CHODL: variants seen among roughly 807,000 people sequenced by gnomAD.
The protein encoded by CHODL is transmembrane protein MT75.
A neutral mutation model predicts 34.5 loss-of-function variants in CHODL; 29 were observed. The observed-to-expected ratio is 0.84, with a 90% CI of 0.63 to 1.15. The LOEUF is 1.15. Among genes scored for constraint, CHODL ranks in the 50% most tolerant of loss-of-function variants. CHODL has a pLI of 0.00. For synonymous variants in CHODL, 125 were observed against 116.1 expected, an observed-to-expected ratio of 1.08 and a Z score of -0.49; for missense variants, 332 against 332.5, an observed-to-expected ratio of 1.00 and a Z score of 0.01.
At chr21:18,196,908 T>G (rs892955320) in intron 2 of CHODL, among the ~76,000 whole-genome samples, 13 of 152,128 alleles carry the variant, frequency 8.5e-5, no homozygotes, top group African/African-American at 3.1e-4. Flanking sequence ...TACAGCATAG[T>G]GATTGCAGTT....
chr21:18,107,689 C>G (rs987594407), intron 2 of CHODL, among the ~76,000 whole-genome samples: 3 of 152,142 alleles, frequency 2.0e-5, no homozygotes, highest in Non-Finnish European at 4.4e-5. Context: ...TGGGTAGAAC[C>G]TTGAGCATGA....
At chr21:18,110,692 G>T (rs2065337562) in intron 2 of CHODL, among the ~76,000 whole-genome samples, 1 of 152,114 alleles carries the variant, frequency 6.6e-6, no homozygotes, top group Admixed American at 6.6e-5. Context: ...GAAAAGCACT[G>T]CATTTGCTCA....
At chr21:18,181,455 T>C (rs1196924207) in intron 2 of CHODL, among the ~76,000 whole-genome samples, 6 of 152,238 alleles carry the variant, frequency 3.9e-5, no homozygotes, top group Admixed American at 3.9e-4. Context: ...TAGGCTGGAG[T>C]GCACTGGCGG....
At chr21:18,097,015 C>T (rs750048562) in intron 2 of CHODL, among the ~76,000 whole-genome samples, 2 of 152,054 alleles carry the variant, frequency 1.3e-5, no homozygotes, top group Non-Finnish European at 2.9e-5. Flanking sequence ...ATATTGGGGG[C>T]TGGTTCCCCT....
At chr21:18,145,541 G>T (rs1330908269) in intron 2 of CHODL, among the ~76,000 whole-genome samples, 1 of 150,894 alleles carries the variant, frequency 6.6e-6, no homozygotes, top group Middle Eastern at 3.2e-3. Context: ...TGTTTTTTCT[G>T]AATGCTTGCT....
At chr21:18,171,254 C>T (rs1420027355) in intron 2 of CHODL, among the ~76,000 whole-genome samples, 2 of 113,666 alleles carry the variant, frequency 1.8e-5, no homozygotes, top group Admixed American at 1.2e-4. Flanking sequence ...GGCCAGACTG[C>T]GGACTGCAGC....
intron 5 of CHODL, among the ~76,000 whole-genome samples, chr21:18,263,419 C>A (rs2146828615): frequency 6.6e-6 from 1 of 152,136 alleles, no homozygotes; most frequent in South Asian, 2.1e-4. Flanking sequence ...TCAAACAGGC[C>A]ACTTTTTGGC....
intron 1 of CHODL, among the ~76,000 whole-genome samples, chr21:17,924,045 G>A (rs1488601386): frequency 6.6e-6 from 1 of 152,200 alleles, no homozygotes; most frequent in African/African-American, 2.4e-5. Flanking sequence ...TGGAGTTTGA[G>A]GGATAGAGTG....
At chr21:18,004,988 G>A (rs184828729) in intron 1 of CHODL, among the ~76,000 whole-genome samples, 18 of 152,312 alleles carry the variant, frequency 1.2e-4, no homozygotes, top group Non-Finnish European at 8.8e-5. Flanking sequence ...ATACTATGCT[G>A]AATGTAGCTT....
At position 17,948,959 on chromosome 21, in the gene CHODL, A is replaced by T. The variant is rs1292103671; in HGVS notation, c.-145+31559A>T. 5.9e-5 allele frequency among the ~76,000 whole-genome samples: 9 copies of T among 152,174 alleles called. No homozygotes were observed. The East Asian group carries it at 1.7e-3, about 29-fold the overall frequency. On this transcript the variant is annotated intron_variant, in intron 1 of 6. Transcript: ENST00000400127. ...CCAGACAAGGATGCAACAAAAATCA[A>T]AATCAGGGCAGTCATGGGATACATG...
chr21:18,057,330 T>C (rs2064595210), intron 2 of CHODL, among the ~76,000 whole-genome samples: 1 of 152,080 alleles, frequency 6.6e-6, no homozygotes, highest in African/African-American at 2.4e-5. Context: ...GTTTTCATCT[T>C]TTTTTCTATA....
intron 2 of CHODL, among the ~76,000 whole-genome samples, chr21:18,226,590 C>T (rs1028765417): frequency 5.3e-5 from 8 of 152,094 alleles, no homozygotes; most frequent in South Asian, 2.1e-4. Flanking sequence ...TGAGCCACCA[C>T]GTTTGGCCAT....
At chr21:18,168,083 A>C (rs2146654216) in intron 2 of CHODL, among the ~76,000 whole-genome samples, 1 of 152,252 alleles carries the variant, frequency 6.6e-6, no homozygotes, top group South Asian at 2.1e-4. Flanking sequence ...AAGTTCTTCA[A>C]CTTTTGGACT....
intron 1 of CHODL, among the ~76,000 whole-genome samples, chr21:17,996,301 C>T (rs2824594): frequency 0.13 from 19,316 of 152,106 alleles, 1,449 homozygotes; most frequent in South Asian, 0.3. Flanking sequence ...GGTACTCAAC[C>T]AAGAGAGGAA....
intron 1 of CHODL, among the ~76,000 whole-genome samples, chr21:18,027,003 G>A (rs780055194): frequency 5.3e-5 from 8 of 152,158 alleles, no homozygotes; most frequent in South Asian, 2.1e-4. Flanking sequence ...CAGGCTGGGC[G>A]CAGTGGCTCA....
At chr21:18,241,659 C>T (rs561810025), upstream of CHODL, among the ~76,000 whole-genome samples, 62 of 152,114 alleles carry the variant, frequency 4.1e-4, no homozygotes, top group African/African-American at 1.3e-3. Context: ...TATTGATGGG[C>T]GCATGAAGCA....
At position 18,245,122 on chromosome 21, in the gene CHODL, C is replaced by G; in HGVS notation, c.-102C>G. The G allele has an allele frequency of 1.9e-6, 2 of 1,065,508 alleles. No homozygotes were observed. Among genetic ancestry groups the G allele is most frequent in the South Asian group, 1.8e-5 (1 of 56,588 alleles). The allele number at this position is 1,065,508 out of a possible 1,614,324, so 66.0% of individuals were successfully genotyped here. ...GGGCTCGGGCGGCGGGAGTAGGGCC[C>G]GGCAGGGAGGCAGGGAGGCTGCAGA... On this transcript the variant is annotated 5_prime_UTR_variant, in exon 1 of 6. Coordinates refer to ENST00000299295, the MANE Select transcript of CHODL (RefSeq NM_024944.3).
intron 2 of CHODL, among the ~76,000 whole-genome samples, chr21:18,072,950 C>T (rs2064823068): frequency 6.6e-6 from 1 of 152,066 alleles, no homozygotes; most frequent in South Asian, 2.1e-4. Context: ...TTTGATGTCT[C>T]ATTTATTATT....
intron 2 of CHODL, among the ~76,000 whole-genome samples, chr21:18,211,339 C>CT (rs1214974737): frequency 6.6e-6 from 1 of 152,094 alleles, no homozygotes; most frequent in Non-Finnish European, 1.5e-5. Flanking sequence ...AGATCTGTAC[C>CT]TGTATTTAGG....
Sources: gnomAD v4.1 joint callset for allele counts (sites outside exome capture counted in the v4.1 genomes callset) on GRCh38, gnomAD v4.1.1 for gene constraint, MANE v1.5 for transcripts, NCBI Gene and HGNC (gene_info 2026-07-23, HGNC 2026-07-21) for gene names.